ANKFN1: variants seen among roughly 807,000 people sequenced by gnomAD.
The protein encoded by ANKFN1 is ankyrin repeat and fibronectin type-III domain-containing protein 1.
In ANKFN1, 74 loss-of-function variants were observed where a neutral mutation model predicts 108.7. That is an observed-to-expected ratio of 0.68 (90% CI 0.56 to 0.83). ANKFN1 has a LOEUF of 0.83. ANKFN1 is among the 40% of genes least tolerant of loss of function. ANKFN1 has a pLI of 0.00. For missense variants in ANKFN1, 1,505 were observed against 1,382.3 expected (o/e 1.09, Z -1.41); for synonymous variants, 547 against 516.2 (o/e 1.06, Z -0.81).
chr17:56,331,211 G>A (rs1330249048), intron 4 of ANKFN1, among the ~76,000 whole-genome samples: 2 of 152,240 alleles, frequency 1.3e-5, no homozygotes, highest in East Asian at 3.9e-4. Context: ...AATTCCATAT[G>A]CATGGGAACA....
intron 3 of ANKFN1, among the ~76,000 whole-genome samples, chr17:56,298,272 A>G (rs1240930397): frequency 6.6e-6 from 1 of 152,172 alleles, no homozygotes; most frequent in Non-Finnish European, 1.5e-5. Flanking sequence ...AGAATTATGG[A>G]TGATTTTTGC....
intron 17 of ANKFN1, 46 bp from the exon 18 acceptor site, chr17:56,482,310 C>G: frequency 6.7e-7 from 1 of 1,483,658 alleles, no homozygotes. Flanking sequence ...ATGTAAGTGC[C>G]ATGTTGTAAC....
intron 8 of ANKFN1, among the ~76,000 whole-genome samples, chr17:56,428,502 G>A (rs1337240580): frequency 1.5e-5 from 2 of 131,864 alleles, no homozygotes; most frequent in Non-Finnish European, 3.1e-5. Flanking sequence ...TCATTCTTTC[G>A]CCTAGGCTGG....
At chr17:56,198,753 C>T (rs1447459473) in intron 1 of ANKFN1, among the ~76,000 whole-genome samples, 2 of 152,108 alleles carry the variant, frequency 1.3e-5, no homozygotes, top group Non-Finnish European at 2.9e-5. Context: ...TATTTTCTCC[C>T]ATGTTGTGTA....
chr17:56,424,443 T>TA (rs2048495927), intron 8 of ANKFN1, among the ~76,000 whole-genome samples: 2 of 152,128 alleles, frequency 1.3e-5, no homozygotes, highest in South Asian at 4.1e-4. Flanking sequence ...ACTTCACCTC[T>TA]AAAATGAGAA....
chr17:56,385,305 A>C (rs1437181753), intron 8 of ANKFN1, among the ~76,000 whole-genome samples: 1 of 152,216 alleles, frequency 6.6e-6, no homozygotes, highest in Non-Finnish European at 1.5e-5. Context: ...CTTACACCTT[A>C]TATAAAAATT....
At chr17:56,296,902 A>G (rs559689447) in intron 3 of ANKFN1, among the ~76,000 whole-genome samples, 22 of 152,346 alleles carry the variant, frequency 1.4e-4, no homozygotes, top group African/African-American at 5.3e-4. Context: ...CACACATAGC[A>G]TGCTTGGTAA....
chr17:56,240,476 G>T lies in ANKFN1; in HGVS notation c.53+12519G>T, dbSNP rs148142812. Among the ~76,000 whole-genome samples the T allele has an allele frequency of 4.3e-3, 647 of 151,956 alleles. 6 individuals are homozygous for T. Among genetic ancestry groups the T allele is most frequent in the African/African-American group, 0.015 (609 of 41,466 alleles). Reference sequence around the variant, plus strand: ...AAAAATTAGGTTGTTGCCAATTTTTGCTATAAAAAAATACTGCAATGATTA... The same window carrying T: ...AAAAATTAGGTTGTTGCCAATTTTTTCTATAAAAAAATACTGCAATGATTA... On this transcript the variant is annotated intron_variant, in intron 3 of 20. Coordinates refer to ENST00000682825, the MANE Select transcript of ANKFN1 (RefSeq NM_001370326.1).
intron 4 of ANKFN1, among the ~76,000 whole-genome samples, chr17:56,093,976 A>G (rs961496921): frequency 1.3e-5 from 2 of 151,398 alleles, no homozygotes; most frequent in African/African-American, 4.9e-5. Context: ...GTCCTCATCC[A>G]TTATAATTTC....
At chr17:56,176,632 G>A (rs1167161818) in intron 1 of ANKFN1, among the ~76,000 whole-genome samples, 2 of 152,160 alleles carry the variant, frequency 1.3e-5, no homozygotes, top group African/African-American at 4.8e-5. Flanking sequence ...AAATGAGAAA[G>A]AGAATTTGGC....
intron 8 of ANKFN1, among the ~76,000 whole-genome samples, chr17:56,421,143 A>T (rs1377661005): frequency 7.2e-5 from 11 of 152,250 alleles, no homozygotes; most frequent in African/African-American, 1.9e-4. Context: ...GTAGTTTATC[A>T]TTAGAAGTAT....
Position 56,503,486 on chromosome 17 carries a change from CATATATATATATATATATATATATAT to C in ANKFN1, c.2644+4406_2644+4431del, listed in dbSNP as rs3052391. Among the ~76,000 whole-genome samples, 109 of 81,526 alleles carry C rather than the reference CATATATATATATATATATATATATAT, an allele frequency of 1.3e-3. 4 individuals are homozygous for C. The highest frequency in any genetic ancestry group is 6.0e-3 in the African/African-American group (83 of 13,868). 53.5% of individuals were successfully genotyped at this position (81,526 alleles called of 152,430 possible). A position where few individuals can be genotyped will look rare whatever the true frequency, so the allele number is the denominator to read the frequency against. ...AATAAATTCACTGAAGCACAAATTT[CATATATATATATATATATATATATAT>C]ATATATATATATATATAGACAGTGG... On this transcript the variant is annotated intron_variant, in intron 20 of 20. Coordinates refer to ENST00000682825, the MANE Select transcript of ANKFN1 (RefSeq NM_001370326.1).
At chr17:56,368,679 C>T (rs966892974) in intron 6 of ANKFN1, among the ~76,000 whole-genome samples, 30 of 151,964 alleles carry the variant, frequency 2.0e-4, no homozygotes, top group Admixed American at 5.2e-4. Flanking sequence ...TTACCCTATA[C>T]ATCCACAGGG....
chr17:56,178,618 T>C (rs1911393203), intron 1 of ANKFN1, among the ~76,000 whole-genome samples: 1 of 151,774 alleles, frequency 6.6e-6, no homozygotes, highest in South Asian at 2.1e-4. Flanking sequence ...TGAGGATCTA[T>C]ATATTTTTAA....
At chr17:56,409,403 A>G (rs2048021659) in intron 8 of ANKFN1, among the ~76,000 whole-genome samples, 1 of 152,196 alleles carries the variant, frequency 6.6e-6, no homozygotes, top group Non-Finnish European at 1.5e-5. Flanking sequence ...AACACTGAAC[A>G]TTGTACATAA....
At chr17:56,449,462 G>A (rs866004307) in intron 11 of ANKFN1, among the ~76,000 whole-genome samples, 3 of 151,948 alleles carry the variant, frequency 2.0e-5, no homozygotes, top group Non-Finnish European at 2.9e-5. Context: ...CCCTTCTCTC[G>A]GAATTGTCCC....
In ANKFN1 at chr17:56,159,033, CAAAAAAA is replaced by C. The variant is rs57878541; in HGVS notation, c.-71+5519_-71+5525del. On this transcript the variant is annotated intron_variant, in intron 1 of 20. Transcript: ENST00000682825. The stretch of plus-strand genomic sequence containing the variant: ...ACCACCATCTAGGAATGGTCTAGGC[CAAAAAAA>C]AAAAAAAAAAAAAAAGCAGAAGAAG... Among the ~76,000 whole-genome samples the C allele has an allele frequency of 2.6e-3, 188 of 71,012 alleles. 1 individual carries two copies. The highest frequency in any genetic ancestry group is 0.012 in the Middle Eastern group (1 of 86). 46.6% of individuals were successfully genotyped at this position (71,012 alleles called of 152,430 possible).
intron 8 of ANKFN1, among the ~76,000 whole-genome samples, chr17:56,408,895 T>C (rs1297086923): frequency 6.6e-6 from 1 of 152,084 alleles, no homozygotes. Flanking sequence ...ATTATGTTAC[T>C]TAGAATACAA....
intron 15 of ANKFN1, among the ~76,000 whole-genome samples, chr17:56,468,517 G>C (rs980453627): frequency 3.3e-5 from 5 of 151,984 alleles, no homozygotes; most frequent in Non-Finnish European, 5.9e-5. Context: ...TGAGCCCCCT[G>C]CAAGCAGTAG....
Sources: gnomAD v4.1 joint callset for allele counts (sites outside exome capture counted in the v4.1 genomes callset) on GRCh38, gnomAD v4.1.1 for gene constraint, MANE v1.5 for transcripts, NCBI Gene and HGNC (gene_info 2026-07-23, HGNC 2026-07-21) for gene names.